The following DOT1L variants were observed in gnomAD, a reference collection of about 807,000 sequenced individuals.
DOT1L encodes the protein histone-lysine N-methyltransferase, H3 lysine-79 specific.
DOT1L carries 33 observed loss-of-function variants against 153.3 expected under a neutral mutation model. The ratio of observed to expected loss-of-function variants is 0.22; its 90% CI spans 0.16 to 0.29. The LOEUF (loss-of-function observed/expected upper bound fraction) is 0.29, where lower values mean the gene tolerates loss of function less well. Among genes scored for constraint, DOT1L ranks in the 10% least tolerant of loss-of-function variants. DOT1L has a pLI of 1.00. For synonymous variants in DOT1L, 1,135 were observed against 965.1 expected, an observed-to-expected ratio of 1.18 and a Z score of -3.26; for missense variants, 1,847 against 2,119.9, an observed-to-expected ratio of 0.87 and a Z score of 2.53.
chr19:2,209,656 C>T (rs989970496), intron 12 of DOT1L, among the ~76,000 whole-genome samples: 1 of 152,284 alleles, frequency 6.6e-6, no homozygotes, highest in African/African-American at 2.4e-5. Flanking sequence ...GGCGCTTCTG[C>T]AGCCTCAGAC....
Position 2,178,918 on chromosome 19 carries a change from A to G in DOT1L, c.82-1795A>G, listed in dbSNP as rs73514450. On this transcript the variant is annotated intron_variant, in intron 1 of 27. Transcript: ENST00000398665. ...TTGCAAAGCACCGCACAGACTTTCT[A>G]TGTGGCTTTATTTCATCACAGTACC... Among the ~76,000 whole-genome samples the G allele has an allele frequency of 6.0e-3, 910 of 152,298 alleles. 6 individuals carry two copies. The highest frequency in any genetic ancestry group is 0.02 in the African/African-American group (844 of 41,558).
chr19:2,167,672 C>T (rs2019976432), intron 1 of DOT1L, among the ~76,000 whole-genome samples: 1 of 152,118 alleles, frequency 6.6e-6, no homozygotes, highest in African/African-American at 2.4e-5. Flanking sequence ...TTTCTGTGTT[C>T]CCGTTGAGGA....
intron 10 of DOT1L, among the ~76,000 whole-genome samples, 198 bp downstream of exon 10, chr19:2,206,995 C>T (rs147017323): frequency 7.9e-5 from 12 of 152,300 alleles, no homozygotes; most frequent in African/African-American, 1.7e-4. Flanking sequence ...CACCCCTGGT[C>T]GCGACAACCA....
chr19:2,211,446 C>T (rs1015002212), intron 15 of DOT1L, among the ~76,000 whole-genome samples: 1 of 152,200 alleles, frequency 6.6e-6, no homozygotes, highest in African/African-American at 2.4e-5. Context: ...GGGACGTCTG[C>T]AGTTGTCATA....
chr19:2,201,313 C>G (rs1455604371), intron 8 of DOT1L, among the ~76,000 whole-genome samples: 1 of 151,470 alleles, frequency 6.6e-6, no homozygotes, highest in Non-Finnish European at 1.5e-5. Context: ...ATTCCTCATT[C>G]TCCCTGCATT....
chr19:2,218,026 G>C (rs1226614579), intron 22 of DOT1L, 108 bp downstream of exon 22: 1 of 1,463,008 alleles, frequency 6.8e-7, no homozygotes, highest in African/African-American at 1.4e-5. Context: ...AAAATGTCGA[G>C]CGTGAGGCAA....
Position 2,208,162 on chromosome 19 carries a change from C to T in DOT1L, c.963+482C>T, listed in dbSNP as rs959704166. Among the ~76,000 whole-genome samples, 2 of 152,094 alleles carry T rather than the reference C, an allele frequency of 1.3e-5. No individual in the cohort carries two copies. Among genetic ancestry groups the T allele is most frequent in the African/African-American group, 4.8e-5 (2 of 41,410 alleles). On this transcript the variant is annotated intron_variant, in intron 11 of 27. Transcript: ENST00000398665. The surrounding 1 kb of genome is among the most constrained non-coding windows in gnomAD (Gnocchi z 4.4). ...TCTGACACAGCCCTGGGCCAGTGTG[C>T]GGCCTGCCTGCCTCCCACGGTGCTT...
intron 23 of DOT1L, 49 bp from the exon 24 acceptor site, chr19:2,221,927 C>G: frequency 6.6e-7 from 1 of 1,522,404 alleles, no homozygotes; most frequent in East Asian, 2.3e-5. Flanking sequence ...GCAAGGCTTT[C>G]TCTTTGGCCA....
At chr19:2,179,295 G>A (rs1423497074) in intron 1 of DOT1L, among the ~76,000 whole-genome samples, 1 of 152,284 alleles carries the variant, frequency 6.6e-6, no homozygotes, top group Admixed American at 6.5e-5. Flanking sequence ...GTCAGGTGGT[G>A]TCCACAGGTG....
At position 2,226,621 on chromosome 19, in the gene DOT1L, T is replaced by G; in HGVS notation, c.4100T>G (p.Phe1367Cys). The G allele has an allele frequency of 6.3e-7, 1 of 1,595,192 alleles. No homozygotes were observed. Residue 1367 changes from phenylalanine to cysteine, a missense_variant, in exon 27 of 28, where the codon TTC (phenylalanine) becomes TGC (cysteine). Phe to Cys is a radical substitution (Grantham distance 205). Around this residue, in one of 8 missense-constraint regions of DOT1L, gnomAD observed 934 missense variants for 825.3 expected, o/e 1.13. Transcript: ENST00000398665. ...AAGGAGGGCTCGGACGCCAACCCTT[T>G]CCTGAGCAAGAGGCAGCTGGACGGC... The part of the protein sequence containing the change: ...RGKEGSDANP[F>C]LSKRQLDGLA...
intron 12 of DOT1L, among the ~76,000 whole-genome samples, chr19:2,209,693 G>A (rs2023638290): frequency 6.6e-6 from 1 of 152,268 alleles, no homozygotes; most frequent in Admixed American, 6.5e-5. Flanking sequence ...CACCAAAGCT[G>A]AGAGGATGTT....
At chr19:2,179,560 T>A (rs1031843306) in intron 1 of DOT1L, among the ~76,000 whole-genome samples, 10 of 152,014 alleles carry the variant, frequency 6.6e-5, no homozygotes, top group African/African-American at 2.2e-4. Flanking sequence ...GTAATCCCAA[T>A]ACTTTGGGAG....
At chr19:2,210,271 C>T (rs1033917644) in intron 12 of DOT1L, 129 bp from the exon 13 acceptor site, 2 of 858,754 alleles carry the variant, frequency 2.3e-6, no homozygotes, top group Non-Finnish European at 1.7e-6. Flanking sequence ...TGATTTGTGC[C>T]ACAGAGGACT....
In DOT1L at chr19:2,222,902, A is replaced by T. The variant is rs2024181136; in HGVS notation, c.3390+343A>T. 1 of 387,138 alleles carries T rather than the reference A, an allele frequency of 2.6e-6. No individual in the cohort carries two copies. The highest frequency in any genetic ancestry group is 4.6e-6 in the Non-Finnish European group (1 of 216,266). The allele number at this position is 387,138 out of a possible 1,614,324, so 24.0% of individuals were successfully genotyped here. On this transcript the variant is annotated intron_variant, in intron 24 of 27. Transcript: ENST00000398665. This position sits in a 1 kb window ranked among gnomAD's most constrained non-coding sequence, Gnocchi z 6.5. ...GGGGACAAAAAAAAACACAAAAAAA[A>T]ACAGGTGGAGGCAGGGGGCCATGAC...
At chr19:2,206,884 C>T in intron 10 of DOT1L, 87 bp downstream of exon 10, 1 of 1,340,226 alleles carries the variant, frequency 7.5e-7, no homozygotes, top group African/African-American at 1.4e-5. Flanking sequence ...TTCCTTGACC[C>T]TGTGGACACT....
chr19:2,179,221 G>A (rs1035700915), intron 1 of DOT1L, among the ~76,000 whole-genome samples: 3 of 152,214 alleles, frequency 2.0e-5, no homozygotes, highest in African/African-American at 7.2e-5. Context: ...GTTGCGTCCC[G>A]CTGGGCCTTG....
rs1006773334 is a variant in DOT1L, at chr19:2,180,303, G to A, written c.82-410G>A. On this transcript the variant is annotated intron_variant, in intron 1 of 27. Transcript: ENST00000398665. ...CTGGAGCAGCGTCGGGAGAATTCCC[G>A]GTGGGCCTGCGGAGCGCGGTCTGAG... 5.9e-5 allele frequency among the ~76,000 whole-genome samples: 9 copies of A among 152,338 alleles called. No individual in the cohort carries two copies. In the South Asian group the frequency reaches 8.3e-4, roughly 14 times the overall value.
At chr19:2,167,998 GTGC>G (rs1461493469) in intron 1 of DOT1L, among the ~76,000 whole-genome samples, 1 of 152,192 alleles carries the variant, frequency 6.6e-6, no homozygotes, top group Non-Finnish European at 1.5e-5. Context: ...GCCTCCCAGA[GTGC>G]TGGGATGACA....
chr19:2,210,422 GC>G lies in DOT1L; in HGVS notation c.1030del (p.Arg344AlafsTer43). On this transcript the variant is annotated frameshift_variant, in exon 13 of 28. Transcript: ENST00000398665. LOFTEE classifies it high-confidence loss of function. Reference sequence around the variant, plus strand: ...CAGGAGGAACAGGAGGCAGCCCGGCGCCGCCAGCAGCGCGAGAGCAAGAGCA... The same window carrying G: ...CAGGAGGAACAGGAGGCAGCCCGGCGCGCCAGCAGCGCGAGAGCAAGAGCA... ...KLREEQEAAR[R>X]RQQRESKSNA... The G allele has an allele frequency of 6.4e-7, 1 of 1,550,756 alleles. No homozygotes were observed. The highest frequency in any genetic ancestry group is 8.7e-7 in the Non-Finnish European group (1 of 1,151,126).
Sources: gnomAD v4.1 joint callset for allele counts (sites outside exome capture counted in the v4.1 genomes callset) on GRCh38, gnomAD v4.1.1 for gene constraint, gnomAD v4.1.1 regional missense constraint, Gnocchi (gnomAD v3.1) non-coding constraint, MANE v1.5 for transcripts, NCBI Gene and HGNC (gene_info 2026-07-23, HGNC 2026-07-21) for gene names.